DHRSX: variants seen among roughly 807,000 people sequenced by gnomAD.
DHRSX encodes the protein dehydrogenase/reductase X-linked.
Under a neutral mutation model 34.0 loss-of-function variants are expected in DHRSX, and 31 were observed. The observed-to-expected ratio is 0.91, with a 90% CI of 0.69 to 1.23. The LOEUF is 1.23. DHRSX is among the 50% of genes most tolerant of loss of function. The pLI is 0.00. For missense variants in DHRSX, 414 were observed against 428.1 expected (o/e 0.97, Z 0.29); for synonymous variants, 201 against 183.8 (o/e 1.09, Z -0.76).
At chrX:2,451,531 G>T (rs6641540) in intron 1 of DHRSX, among the ~76,000 whole-genome samples, 8,402 of 152,256 alleles carry the variant, frequency 0.055, 282 homozygotes, top group East Asian at 0.081. Flanking sequence ...TTTCTTGGTA[G>T]CAAGCGTGTA....
intron 3 of DHRSX, among the ~76,000 whole-genome samples, chrX:2,378,119 T>C (rs1325715596): frequency 1.3e-5 from 2 of 152,358 alleles, no homozygotes; most frequent in Non-Finnish European, 2.9e-5. Context: ...TTTGCAAATA[T>C]ACTTAGTGAC....
chrX:2,324,887 G>A (rs1296212754), intron 3 of DHRSX, among the ~76,000 whole-genome samples: 2 of 149,354 alleles, frequency 1.3e-5, no homozygotes, highest in Non-Finnish European at 3.0e-5. Context: ...GCCTGCCTCA[G>A]CCTCCTAAGT....
chrX:2,285,292 T>C (rs1444255894), intron 4 of DHRSX, among the ~76,000 whole-genome samples: 1 of 152,106 alleles, frequency 6.6e-6, no homozygotes, highest in Non-Finnish European at 1.5e-5. Flanking sequence ...GACTAGACAG[T>C]CCCATCTGGG....
At chrX:2,454,378 T>G (rs1274175206) in intron 1 of DHRSX, among the ~76,000 whole-genome samples, 1 of 151,826 alleles carries the variant, frequency 6.6e-6, no homozygotes, top group Non-Finnish European at 1.5e-5. Context: ...AATACAAAAA[T>G]TAGCCAGGTG....
At chrX:2,464,025 C>T (rs916282875) in intron 1 of DHRSX, among the ~76,000 whole-genome samples, 4 of 152,216 alleles carry the variant, frequency 2.6e-5, no homozygotes, top group Admixed American at 2.0e-4. Context: ...AAGAGACGGC[C>T]ACCTGTACAC....
At chrX:2,303,785 A>ATGGG (rs2042046327) in intron 3 of DHRSX, among the ~76,000 whole-genome samples, 16 of 54,980 alleles carry the variant, frequency 2.9e-4, no homozygotes, top group African/African-American at 1.2e-3. Context: ...GGATGGATGG[A>ATGGG]TGGATGGGTG....
intron 1 of DHRSX, chrX:2,490,787 GACAA>G: frequency 6.4e-7 from 1 of 1,556,512 alleles, no homozygotes. Flanking sequence ...GAAGGGCCAA[GACAA>G]ACACAGCATG....
At chrX:2,276,385 C>T (rs1377553284) in intron 4 of DHRSX, among the ~76,000 whole-genome samples, 3 of 152,150 alleles carry the variant, frequency 2.0e-5, no homozygotes, top group African/African-American at 4.8e-5. Context: ...GTGGAGAATA[C>T]ACAATAGAAC....
chrX:2,416,440 T>G (rs187109700), intron 2 of DHRSX, among the ~76,000 whole-genome samples: 2 of 152,288 alleles, frequency 1.3e-5, no homozygotes, highest in Admixed American at 6.5e-5. Context: ...TAAAAAGATT[T>G]TGAGCCCAAA....
rs775694429 is a variant in DHRSX, at chrX:2,257,070, C to T, written c.596+9670G>A. On this transcript the variant is annotated intron_variant, in intron 5 of 6. Coordinates refer to ENST00000334651, the MANE Select transcript of DHRSX (RefSeq NM_145177.3). ...GTCCCAGTTGAAGCAATTATCCTGC[C>T]TCAGCCTTCCGAGTAGCAGGGATTA... is the stretch of plus-strand genomic sequence containing the variant. Among the ~76,000 whole-genome samples the T allele has an allele frequency of 2.3e-3, 356 of 152,306 alleles. 3 individuals are homozygous for T. Among genetic ancestry groups the T allele is most frequent in the African/African-American group, 8.1e-3 (337 of 41,562 alleles).
At chrX:2,336,571 A>G (rs1215797652) in intron 3 of DHRSX, among the ~76,000 whole-genome samples, 4 of 151,856 alleles carry the variant, frequency 2.6e-5, no homozygotes, top group Non-Finnish European at 4.4e-5. Flanking sequence ...ATTAATTTAG[A>G]GAACATATTC....
chrX:2,371,845 GTC>G (rs926189848), intron 3 of DHRSX, among the ~76,000 whole-genome samples: 3 of 152,084 alleles, frequency 2.0e-5, no homozygotes, highest in African/African-American at 4.8e-5. Context: ...TGTATCTGGT[GTC>G]TCTGTCACCA....
rs1020736049 is a variant in DHRSX at position 2,282,818 on chromosome X, G to A, written c.388+8684C>T. On this transcript the variant is annotated intron_variant, in intron 4 of 6. Transcript: ENST00000334651. ...AAGAAAGAGAGAAGAGAGAAAGAGA[G>A]AGAGGGAGAGAGAGGGAGAAAGGGA... is the stretch of plus-strand genomic sequence containing the variant. 6.2e-5 allele frequency among the ~76,000 whole-genome samples: 8 copies of A among 130,044 alleles called. 1 individual carries two copies. The highest frequency in any genetic ancestry group is 2.4e-4 in the African/African-American group (8 of 33,008). The allele number at this position is 130,044 out of a possible 152,430, so 85.3% of individuals were successfully genotyped here. A position where few individuals can be genotyped will look rare whatever the true frequency, so the allele number is the denominator to read the frequency against.
At chrX:2,357,080 C>A (rs750681208) in intron 3 of DHRSX, among the ~76,000 whole-genome samples, 1 of 152,066 alleles carries the variant, frequency 6.6e-6, no homozygotes, top group African/African-American at 2.4e-5. Flanking sequence ...CCCGTCTCTA[C>A]TGAAAATACA....
chrX:2,485,944 T>G, intron 1 of DHRSX, among the ~76,000 whole-genome samples: 1 of 144,350 alleles, frequency 6.9e-6, no homozygotes, highest in South Asian at 2.2e-4. Flanking sequence ...AGGAAGGATT[T>G]GTTGGCTGAA....
At chrX:2,431,984 A>G (rs1331114869) in intron 1 of DHRSX, among the ~76,000 whole-genome samples, 1 of 152,116 alleles carries the variant, frequency 6.6e-6, no homozygotes, top group Non-Finnish European at 1.5e-5. Flanking sequence ...CGAGGTCAGG[A>G]GTTCAAGACC....
intron 1 of DHRSX, among the ~76,000 whole-genome samples, chrX:2,457,797 C>T (rs1279724050): frequency 6.6e-6 from 1 of 151,132 alleles, no homozygotes; most frequent in African/African-American, 2.4e-5. Context: ...GGGACAGCCA[C>T]GGTGTGCACA....
chrX:2,471,561 T>A lies in DHRSX; in HGVS notation c.109+29256A>T, dbSNP rs867620669. On this transcript the variant is annotated intron_variant, in intron 1 of 6. Transcript: ENST00000334651. Reference sequence around the variant, plus strand: ...CCTGGGCAACAAGAGCAAAACTCCATCTCAAAAAAAAAAAAAGACATTTAC... The same window carrying A: ...CCTGGGCAACAAGAGCAAAACTCCAACTCAAAAAAAAAAAAAGACATTTAC... Among the ~76,000 whole-genome samples the A allele has an allele frequency of 3.3e-3, 443 of 133,620 alleles. 9 individuals carry two copies. The highest frequency in any genetic ancestry group is 0.012 in the African/African-American group (386 of 31,612). The allele number at this position is 133,620 out of a possible 152,430, so 87.7% of individuals were successfully genotyped here.
chrX:2,226,224 C>T (rs2015657832), intron 6 of DHRSX, among the ~76,000 whole-genome samples: 1 of 152,166 alleles, frequency 6.6e-6, no homozygotes, highest in Non-Finnish European at 1.5e-5. Context: ...GCCTCTTTTC[C>T]AGGAAACAGG....
Sources: allele counts gnomAD v4.1 joint callset (sites outside exome capture counted in the v4.1 genomes callset), GRCh38; gene constraint gnomAD v4.1.1; transcripts MANE v1.5; gene names NCBI Gene and HGNC (gene_info 2026-07-23, HGNC 2026-07-21).